EXD3: variants seen among roughly 807,000 people sequenced by gnomAD.
EXD3 encodes exonuclease 3'-5' domain containing 3.
Under a neutral mutation model 98.0 loss-of-function variants are expected in EXD3, and 92 were observed. The ratio of observed to expected loss-of-function variants is 0.94; its 90% CI spans 0.79 to 1.12. The LOEUF is 1.12. Among genes scored for constraint, EXD3 ranks in the 50% most tolerant of loss-of-function variants. EXD3 has a pLI of 0.00. For synonymous variants in EXD3, 569 were observed against 526.0 expected (o/e 1.08, Z -1.12); for missense variants, 1,222 against 1,191.6 (o/e 1.03, Z -0.38).
intron 17 of EXD3, among the ~76,000 whole-genome samples, chr9:137,344,884 C>T (rs1358357722): frequency 6.6e-6 from 1 of 151,694 alleles, no homozygotes; most frequent in Non-Finnish European, 1.5e-5. Flanking sequence ...GAGATCTCCT[C>T]AGCTGAATAT....
chr9:137,354,085 G>A, intron 10 of EXD3: 2 of 1,248,326 alleles, frequency 1.6e-6, no homozygotes, highest in Non-Finnish European at 2.0e-6. Flanking sequence ...TGGTTCGGGT[G>A]GCACGGACGC....
At chr9:137,379,628 C>T (rs548593574) in intron 3 of EXD3, among the ~76,000 whole-genome samples, 56 of 152,070 alleles carry the variant, frequency 3.7e-4, no homozygotes, top group Non-Finnish European at 6.6e-4. Flanking sequence ...TCACGAAGCA[C>T]GACTGGGCGC....
intron 1 of EXD3, among the ~76,000 whole-genome samples, chr9:137,417,594 A>C (rs994690329): frequency 6.6e-5 from 10 of 152,258 alleles, no homozygotes; most frequent in African/African-American, 1.9e-4. Flanking sequence ...GTCCGCACAA[A>C]CTACCCCAGC....
chr9:137,376,172 G>A (rs896380109), intron 3 of EXD3, among the ~76,000 whole-genome samples: 5 of 151,578 alleles, frequency 3.3e-5, no homozygotes, highest in East Asian at 1.9e-4. Context: ...GTGAAACCTC[G>A]TCTCTACTAA....
intron 7 of EXD3, among the ~76,000 whole-genome samples, chr9:137,358,680 C>CT: frequency 6.6e-6 from 1 of 152,190 alleles, no homozygotes; most frequent in African/African-American, 2.4e-5. Context: ...CTACTTAAAA[C>CT]TTTTTTAAAA....
chr9:137,354,244 G>T, intron 10 of EXD3, 95 bp downstream of exon 10: 1 of 1,542,590 alleles, frequency 6.5e-7, no homozygotes. Context: ...GAAGGCCTCA[G>T]CTCTGCGCAC....
chr9:137,397,271 G>A (rs1031698113), intron 1 of EXD3, among the ~76,000 whole-genome samples: 2 of 152,192 alleles, frequency 1.3e-5, no homozygotes, highest in African/African-American at 4.8e-5. Flanking sequence ...GACAGATCCA[G>A]ACCAAGCCCG....
chr9:137,316,698 G>A (rs1330058780), intron 19 of EXD3, among the ~76,000 whole-genome samples: 1 of 152,232 alleles, frequency 6.6e-6, no homozygotes, highest in Non-Finnish European at 1.5e-5. Context: ...GGCTGCAGGG[G>A]CTGGGGGACA....
intron 1 of EXD3, among the ~76,000 whole-genome samples, chr9:137,401,781 A>C (rs1181871136): frequency 1.3e-5 from 2 of 151,856 alleles, no homozygotes; most frequent in Non-Finnish European, 2.9e-5. Flanking sequence ...CCACAAAACC[A>C]CTTTTTCCTC....
Position 137,385,363 on chromosome 9 carries a change from C to T in EXD3, c.56-1986G>A, listed in dbSNP as rs561858848. Among the ~76,000 whole-genome samples the T allele has an allele frequency of 8.1e-5, 12 of 147,394 alleles. 1 individual carries two copies. The highest frequency in any genetic ancestry group is 2.5e-4 in the African/African-American group (10 of 40,372). On this transcript the variant is annotated intron_variant, in intron 2 of 21. Transcript: ENST00000340951. The surrounding 1 kb of genome is among the most constrained non-coding windows in gnomAD (Gnocchi z 4.4). ...CCATGGCAGGCAGTGTGACTGGCCC[C>T]GCATTCTGGGTGCTGCATGCTGGGC... is the stretch of plus-strand genomic sequence containing the variant.
At chr9:137,307,554 C>A in intron 21 of EXD3, 54 bp downstream of exon 21, 1 of 1,597,396 alleles carries the variant, frequency 6.3e-7, no homozygotes, top group Non-Finnish European at 8.5e-7. Flanking sequence ...GGAAGCCTGG[C>A]ACCAGGGCCG....
At chr9:137,367,188 C>A (rs576522817) in intron 6 of EXD3, among the ~76,000 whole-genome samples, 1 of 152,138 alleles carries the variant, frequency 6.6e-6, no homozygotes, top group South Asian at 2.1e-4. Flanking sequence ...GGCTGCCTGG[C>A]GCCGACTGCA....
In EXD3 at chr9:137,356,384, G is replaced by A. The variant is rs1834789233; in HGVS notation, c.657-16C>T. 2.0e-6 allele frequency: 3 copies of A among 1,497,028 alleles called. No homozygotes were observed. Among genetic ancestry groups the A allele is most frequent in the Non-Finnish European group, 9.2e-7 (1 of 1,085,634 alleles). The allele number at this position is 1,497,028 out of a possible 1,614,324, so 92.7% of individuals were successfully genotyped here. On this transcript the variant is annotated splice_polypyrimidine_tract_variant and intron_variant, in intron 7 of 21. Coordinates refer to ENST00000340951, the MANE Select transcript of EXD3 (RefSeq NM_017820.5). Reference sequence around the variant, plus strand: ...AGGGTACCGTCTGTGGGGAGAGAGAGGCACAGCCTCTGTTGCTGTTTTAAG... The same window carrying A: ...AGGGTACCGTCTGTGGGGAGAGAGAAGCACAGCCTCTGTTGCTGTTTTAAG...
At chr9:137,323,053 A>G (rs370335040) in intron 19 of EXD3, among the ~76,000 whole-genome samples, 1 of 562 alleles carries the variant, frequency 1.8e-3, no homozygotes, top group Non-Finnish European at 3.8e-3. Flanking sequence ...CCCACCCCGG[A>G]CCCACGAGGG....
intron 1 of EXD3, among the ~76,000 whole-genome samples, chr9:137,406,234 G>GAAAGA (rs1333989727): frequency 2.5e-4 from 25 of 99,594 alleles, no homozygotes; most frequent in Middle Eastern, 4.6e-3. Context: ...AAAAAGAAAA[G>GAAAGA]AAAGAAAAGA....
intron 5 of EXD3, among the ~76,000 whole-genome samples, chr9:137,368,643 A>T (rs992937148): frequency 1.3e-5 from 2 of 152,178 alleles, no homozygotes; most frequent in Non-Finnish European, 1.5e-5. Flanking sequence ...CAGCCCGCGG[A>T]GCATCGGCGC....
intron 17 of EXD3, among the ~76,000 whole-genome samples, chr9:137,338,602 G>A (rs1437695861): frequency 1.3e-5 from 2 of 151,916 alleles, no homozygotes; most frequent in Non-Finnish European, 2.9e-5. Context: ...AAGGCAGTAA[G>A]TTGGCCGGGC....
At chr9:137,368,397 C>G (rs1835381154) in intron 5 of EXD3, among the ~76,000 whole-genome samples, 2 of 152,212 alleles carry the variant, frequency 1.3e-5, no homozygotes, top group South Asian at 4.1e-4. Flanking sequence ...CACAATGGTG[C>G]CTGCAGTGGA....
chr9:137,408,941 G>A (rs890554117), intron 1 of EXD3, among the ~76,000 whole-genome samples: 9 of 152,162 alleles, frequency 5.9e-5, no homozygotes, highest in Non-Finnish European at 1.0e-4. Flanking sequence ...ACAAGGCCCC[G>A]ATGGCACTCA....
Sources: gnomAD v4.1 joint callset for allele counts (sites outside exome capture counted in the v4.1 genomes callset) on GRCh38, gnomAD v4.1.1 for gene constraint, Gnocchi (gnomAD v3.1) non-coding constraint, MANE v1.5 for transcripts, NCBI Gene and HGNC (gene_info 2026-07-23, HGNC 2026-07-21) for gene names.